The following NRG1 variants were observed in gnomAD, a reference collection of about 807,000 sequenced individuals.
The protein encoded by NRG1 is pro-neuregulin-1, membrane-bound isoform.
In NRG1, 18 loss-of-function variants were observed where a neutral mutation model predicts 63.8. The observed-to-expected ratio is 0.28, with a 90% confidence interval of 0.19 to 0.42. The LOEUF is 0.42. NRG1 is among the 10% of genes least tolerant of loss of function. The pLI, the probability that NRG1 is intolerant of heterozygous loss-of-function variation, is 1.00. For missense variants in NRG1, 762 were observed against 814.7 expected (o/e 0.94, Z 0.79); for synonymous variants, 302 against 301.3 (o/e 1.00, Z -0.02).
chr8:32,380,514 C>G (rs1587231164), intron 1 of NRG1, among the ~76,000 whole-genome samples: 3 of 152,210 alleles, frequency 2.0e-5, no homozygotes, highest in Admixed American at 6.5e-5. Flanking sequence ...TTGAAATCCC[C>G]ACTTGGATGT....
intron 1 of NRG1, among the ~76,000 whole-genome samples, chr8:31,994,527 G>A (rs1265421782): frequency 6.6e-6 from 1 of 151,498 alleles, no homozygotes; most frequent in African/African-American, 2.4e-5. Context: ...GGTGGCATGT[G>A]CCTATAGTAC....
chr8:31,852,362 A>G (rs1295938051), intron 1 of NRG1, among the ~76,000 whole-genome samples: 9 of 151,658 alleles, frequency 5.9e-5, no homozygotes, highest in African/African-American at 2.2e-4. Context: ...ATGGCCAGTG[A>G]TGGTGAGCAT....
intron 3 of NRG1, among the ~76,000 whole-genome samples, chr8:32,608,107 G>GTTTTTTT (rs1224928528): frequency 3.8e-5 from 4 of 104,800 alleles, no homozygotes; most frequent in Non-Finnish European, 7.4e-5. Flanking sequence ...TTTTTTTTTT[G>GTTTTTTT]TTTTTTTTTT....
At chr8:32,497,140 A>G (rs988509557) in intron 1 of NRG1, among the ~76,000 whole-genome samples, 1 of 152,156 alleles carries the variant, frequency 6.6e-6, no homozygotes, top group African/African-American at 2.4e-5. Flanking sequence ...TATTGTATAG[A>G]ATTTATCAGA....
At chr8:31,904,376 A>G (rs1832346243) in intron 1 of NRG1, among the ~76,000 whole-genome samples, 1 of 152,184 alleles carries the variant, frequency 6.6e-6, no homozygotes, top group African/African-American at 2.4e-5. Flanking sequence ...GACTGTTATT[A>G]AAAAGTCAAA....
In NRG1 at chr8:32,569,540, C is replaced by T. The variant is rs572186039; in HGVS notation, c.100+20714C>T. 1.1e-4 allele frequency among the ~76,000 whole-genome samples: 17 copies of T among 152,224 alleles called. 1 individual carries two copies. Among genetic ancestry groups the T allele is most frequent in the African/African-American group, 4.1e-4 (17 of 41,554 alleles). ...AAAAAAGAAAAGATTATATAGTAGACTTATACTTGGTATCTGTCTGAAAAA... is the reference window on the plus strand; with the variant it reads ...AAAAAAGAAAAGATTATATAGTAGATTTATACTTGGTATCTGTCTGAAAAA... On this transcript the variant is annotated intron_variant, in intron 1 of 11. Coordinates refer to ENST00000356819, the Ensembl canonical transcript of NRG1.
chr8:32,104,788 T>G (rs1831045029), intron 1 of NRG1, among the ~76,000 whole-genome samples: 1 of 152,104 alleles, frequency 6.6e-6, no homozygotes, highest in African/African-American at 2.4e-5. Flanking sequence ...CACCTCCACA[T>G]CTTGTCCTAC....
At chr8:31,762,465 T>C (rs1817656340) in intron 1 of NRG1, among the ~76,000 whole-genome samples, 1 of 152,246 alleles carries the variant, frequency 6.6e-6, no homozygotes. Context: ...TATGGACTGG[T>C]TCCATGTCTT....
Position 32,027,459 on chromosome 8 carries a change from T to TGCTTC in NRG1, c.37+388028_37+388029insGCTTC, listed in dbSNP as rs1817604537. 4.2e-3 allele frequency among the ~76,000 whole-genome samples: 473 copies of TGCTTC among 112,840 alleles called. 6 individuals are homozygous for TGCTTC. The highest frequency in any genetic ancestry group is 9.3e-3 in the Middle Eastern group (2 of 216). The allele number at this position is 112,840 out of a possible 152,430, so 74.0% of individuals were successfully genotyped here. The stretch of plus-strand genomic sequence containing the variant: ...TTCCTTCCTTCCTTCCTTCCTTCCT[T>TGCTTC]CCTTCCTTCCCTCCCTCCCTCCCTC... On this transcript the variant is annotated intron_variant, in intron 1 of 10. Coordinates refer to the NRG1 transcript ENST00000519301.
At chr8:32,711,368 C>T (rs1303274013) in intron 5 of NRG1, among the ~76,000 whole-genome samples, 1 of 151,888 alleles carries the variant, frequency 6.6e-6, no homozygotes, top group African/African-American at 2.4e-5. Flanking sequence ...TAAGAATTTT[C>T]ATGCTTTACT....
chr8:32,578,088 A>C (rs539559314), intron 1 of NRG1, among the ~76,000 whole-genome samples: 1 of 152,122 alleles, frequency 6.6e-6, no homozygotes, highest in East Asian at 1.9e-4. Context: ...TCTCCCTCCC[A>C]GGTTCAAGCG....
At chr8:32,743,904 A>G (rs1401883737) in intron 7 of NRG1, among the ~76,000 whole-genome samples, 1 of 152,132 alleles carries the variant, frequency 6.6e-6, no homozygotes, top group East Asian at 1.9e-4. Flanking sequence ...CAACAACTCA[A>G]ACCTACTATT....
chr8:31,763,707 T>C (rs1248430881), intron 1 of NRG1, among the ~76,000 whole-genome samples: 2 of 152,200 alleles, frequency 1.3e-5, no homozygotes, highest in African/African-American at 4.8e-5. Context: ...TCCCAGCACC[T>C]TGGGAGGCCG....
intron 5 of NRG1, among the ~76,000 whole-genome samples, chr8:32,723,525 CA>C (rs925948251): frequency 5.1e-4 from 72 of 141,602 alleles, no homozygotes; most frequent in Non-Finnish European, 4.2e-4. Context: ...ACTAAAATGC[CA>C]AAAAAAAAAA....
intron 1 of NRG1, among the ~76,000 whole-genome samples, chr8:31,937,553 C>T (rs556752618): frequency 2.6e-5 from 4 of 152,206 alleles, no homozygotes; most frequent in African/African-American, 9.6e-5. Flanking sequence ...TTGCAGACTC[C>T]CTGAGATGTC....
At chr8:32,214,272 A>T (rs1299962180) in intron 1 of NRG1, among the ~76,000 whole-genome samples, 1 of 152,182 alleles carries the variant, frequency 6.6e-6, no homozygotes, top group Non-Finnish European at 1.5e-5. Flanking sequence ...TTGGGGTGGC[A>T]TATTCGGCTA....
intron 5 of NRG1, among the ~76,000 whole-genome samples, chr8:32,620,589 A>C (rs927414487): frequency 1.3e-5 from 2 of 151,788 alleles, no homozygotes; most frequent in Non-Finnish European, 1.5e-5. Context: ...TTGAGAGGCC[A>C]AAGAGGGAGG....
intron 1 of NRG1, among the ~76,000 whole-genome samples, chr8:32,427,425 A>T (rs1225827225): frequency 6.6e-6 from 1 of 152,116 alleles, no homozygotes; most frequent in Non-Finnish European, 1.5e-5. Flanking sequence ...TTACCAATTT[A>T]AAAAACCTCT....
At chr8:32,001,001 A>AT (rs1812829530) in intron 1 of NRG1, among the ~76,000 whole-genome samples, 1 of 152,048 alleles carries the variant, frequency 6.6e-6, no homozygotes, top group South Asian at 2.1e-4. Flanking sequence ...ATAAACGTTG[A>AT]TTTTAAAAAC....
Sources: gnomAD v4.1 joint callset for allele counts (sites outside exome capture counted in the v4.1 genomes callset) on GRCh38, gnomAD v4.1.1 for gene constraint, MANE v1.5 for transcripts, NCBI Gene and HGNC (gene_info 2026-07-23, HGNC 2026-07-21) for gene names.